Variants in TSNARE1 observed in about 807,000 individuals in gnomAD.
TSNARE1 encodes the protein t-SNARE domain containing 1, also known as t-SNARE domain-containing protein 1.
TSNARE1 carries 49 observed loss-of-function variants against 62.0 expected under a neutral mutation model. That is an observed-to-expected ratio of 0.79 (90% CI 0.63 to 1.00). TSNARE1 has a LOEUF of 1.00. Ranked by LOEUF, TSNARE1 falls within the 50% of genes least tolerant of loss-of-function variation. TSNARE1 has a pLI of 0.00. For synonymous variants in TSNARE1, 328 were observed against 294.4 expected, an observed-to-expected ratio of 1.11 and a Z score of -1.17; for missense variants, 755 against 700.1, an observed-to-expected ratio of 1.08 and a Z score of -0.88.
chr8:142,228,804 G>A (rs1477207440), intron 13 of TSNARE1, among the ~76,000 whole-genome samples: 1 of 152,244 alleles, frequency 6.6e-6, no homozygotes, highest in Non-Finnish European at 1.5e-5. Flanking sequence ...AGGAAGGATG[G>A]AAAGATGGAT....
chr8:142,278,001 G>T, intron 11 of TSNARE1: 1 of 985,400 alleles, frequency 1.0e-6, no homozygotes, highest in Non-Finnish European at 1.2e-6. Context: ...GCAAGAATCT[G>T]CCCTTCAGGA....
intron 13 of TSNARE1, among the ~76,000 whole-genome samples, chr8:142,219,397 C>T (rs1218137451): frequency 2.0e-5 from 3 of 152,156 alleles, no homozygotes; most frequent in South Asian, 2.1e-4. Context: ...GCTTCTAATC[C>T]GGCCCTGCAG....
At chr8:142,310,151 G>A (rs1827335612) in intron 9 of TSNARE1, among the ~76,000 whole-genome samples, 1 of 152,026 alleles carries the variant, frequency 6.6e-6, no homozygotes, top group Non-Finnish European at 1.5e-5. Flanking sequence ...CTTTCAAAGA[G>A]CCAATTATTT....
chr8:142,380,313 C>G (rs114268210), intron 1 of TSNARE1, among the ~76,000 whole-genome samples: 1,796 of 152,262 alleles, frequency 0.012, 23 homozygotes, highest in African/African-American at 0.027. Flanking sequence ...CCAACGGCCC[C>G]TTCCTCCTTC....
At chr8:142,253,613 A>G (rs1818285287) in intron 12 of TSNARE1, among the ~76,000 whole-genome samples, 1 of 151,966 alleles carries the variant, frequency 6.6e-6, no homozygotes, top group Non-Finnish European at 1.5e-5. Flanking sequence ...CCTAGTCACC[A>G]GCTGGGCTCT....
At position 142,271,617 on chromosome 8, in the gene TSNARE1, G is replaced by T. The variant is rs11777062; in HGVS notation, c.1446+3164C>A. On this transcript the variant is annotated intron_variant, in intron 12 of 13. Transcript: ENST00000524325. ...ACTCCTCGTAAGTCCAGGGGGTCAG[G>T]TTCAGGCAGGCTGGGCCCTTCCAGG... is the stretch of plus-strand genomic sequence containing the variant. 5 of 1,431,154 alleles carry T rather than the reference G, an allele frequency of 3.5e-6. No individual in the cohort carries two copies. In the East Asian group the frequency reaches 8.7e-5, roughly 25 times the overall value. 88.7% of individuals were successfully genotyped at this position (1,431,154 alleles called of 1,614,324 possible).
In TSNARE1 at chr8:142,285,997, T is replaced by C. The variant is rs570118219; in HGVS notation, c.1291-1512A>G. On this transcript the variant is annotated intron_variant, in intron 10 of 13. Coordinates refer to ENST00000524325, the MANE Select transcript of TSNARE1 (RefSeq NM_145003.5). ...TGGGGGCTCAAGTGGTCCCATGACC[T>C]CCAGGGCCTCTCGGAAAGGGGAAGA... Among the ~76,000 whole-genome samples, 72 of 152,170 alleles carry C rather than the reference T, an allele frequency of 4.7e-4. No individual in the cohort carries two copies. The Middle Eastern group carries it at 0.01, about 22-fold the overall frequency.
chr8:142,252,110 G>A (rs28377131), intron 12 of TSNARE1, among the ~76,000 whole-genome samples: 3,012 of 151,888 alleles, frequency 0.02, 51 homozygotes, highest in African/African-American at 0.069. Flanking sequence ...TGCAGGGCCC[G>A]GGCACCATGT....
At chr8:142,223,948 A>ACCAACCC (rs1554624634) in intron 13 of TSNARE1, among the ~76,000 whole-genome samples, 1 of 2,090 alleles carries the variant, frequency 4.8e-4, no homozygotes, top group African/African-American at 1.1e-3. Context: ...CACCCAGGGG[A>ACCAACCC]GGGCTTTCTG....
chr8:142,216,060 T>G (rs976954977), intron 13 of TSNARE1, among the ~76,000 whole-genome samples: 4 of 152,148 alleles, frequency 2.6e-5, no homozygotes, highest in Non-Finnish European at 4.4e-5. Context: ...GGGGCAGATC[T>G]GAGGGGGAAA....
chr8:142,246,562 C>A (rs1192940332), intron 12 of TSNARE1, among the ~76,000 whole-genome samples: 2 of 152,140 alleles, frequency 1.3e-5, no homozygotes, highest in Non-Finnish European at 2.9e-5. Context: ...AAGGTTGGGT[C>A]TTGGACTTAG....
At chr8:142,326,681 C>T (rs989803252) in intron 6 of TSNARE1, among the ~76,000 whole-genome samples, 3 of 150,670 alleles carry the variant, frequency 2.0e-5, no homozygotes, top group Non-Finnish European at 4.4e-5. Context: ...CCAGAGAGCA[C>T]GAGACGGATG....
In TSNARE1 at chr8:142,327,560, T is replaced by G. The variant is rs534270738; in HGVS notation, c.893+3341A>C. Among the ~76,000 whole-genome samples the G allele has an allele frequency of 1.8e-4, 27 of 152,282 alleles. 1 individual carries two copies. In the South Asian group the frequency reaches 5.6e-3, roughly 32 times the overall value. ...CCTCTCTGGCCCCCTCACAGAGCCC[T>G]CCATCGGGCACTCCGGGAGGTCAGC... On this transcript the variant is annotated intron_variant, in intron 6 of 13. Transcript: ENST00000524325.
At chr8:142,275,072 G>C (rs1820230719) in intron 11 of TSNARE1, 16 of 985,396 alleles carry the variant, frequency 1.6e-5, no homozygotes, top group Non-Finnish European at 1.8e-5. Flanking sequence ...CGGAGGCCTG[G>C]AGGTGGCCCA....
At chr8:142,392,543 G>A (rs1420556470) in intron 1 of TSNARE1, among the ~76,000 whole-genome samples, 7 of 152,286 alleles carry the variant, frequency 4.6e-5, no homozygotes, top group East Asian at 3.9e-4. Flanking sequence ...ACCAGGTGAC[G>A]GGAATTTTTC....
chr8:142,277,320 G>A (rs770916004), intron 11 of TSNARE1: 77 of 985,236 alleles, frequency 7.8e-5, no homozygotes, highest in Admixed American at 4.3e-4. Context: ...CCAGACACTC[G>A]CAGAGCAGCA....
rs55789555 is a variant in TSNARE1, at chr8:142,326,603, C to A, written c.893+4298G>T. On this transcript the variant is annotated intron_variant, in intron 6 of 13. Transcript: ENST00000524325. ...CACGAGACAGATGAGGAACCAGCAC[C>A]AGCGAAGGGGAGGGGCCCCGGAGAG... 6.1e-4 allele frequency among the ~76,000 whole-genome samples: 88 copies of A among 143,092 alleles called. 1 individual carries two copies. Among genetic ancestry groups the A allele is most frequent in the Non-Finnish European group, 1.1e-3 (70 of 65,814 alleles). 93.9% of individuals were successfully genotyped at this position (143,092 alleles called of 152,430 possible). A position where few individuals can be genotyped will look rare whatever the true frequency, so the allele number is the denominator to read the frequency against.
At chr8:142,367,405 G>A (rs1012475869) in intron 1 of TSNARE1, among the ~76,000 whole-genome samples, 10 of 152,070 alleles carry the variant, frequency 6.6e-5, no homozygotes, top group Admixed American at 2.6e-4. Context: ...TGAAAGCACC[G>A]TGCTAGGAGA....
intron 1 of TSNARE1, among the ~76,000 whole-genome samples, chr8:142,400,625 A>T (rs1454227835): frequency 6.6e-6 from 1 of 152,202 alleles, no homozygotes; most frequent in Non-Finnish European, 1.5e-5. Context: ...CTGTAGTCCC[A>T]GCTACTTGGG....
Sources: allele counts gnomAD v4.1 joint callset (sites outside exome capture counted in the v4.1 genomes callset), GRCh38; gene constraint gnomAD v4.1.1; transcripts MANE v1.5; gene names NCBI Gene and HGNC (gene_info 2026-07-23, HGNC 2026-07-21).